Variants in AGT observed in about 807,000 individuals in gnomAD.
AGT encodes angiotensinogen.
A neutral mutation model predicts 28.1 loss-of-function variants in AGT; 26 were observed. That is an observed-to-expected ratio of 0.92 (90% CI 0.68 to 1.28). The LOEUF (loss-of-function observed/expected upper bound fraction) is 1.28. Among genes scored for constraint, AGT ranks in the 50% most tolerant of loss-of-function variants. The pLI is 0.00. For missense variants in AGT, 596 were observed against 592.3 expected, an observed-to-expected ratio of 1.01 and a Z score of -0.06; for synonymous variants, 259 against 259.6, an observed-to-expected ratio of 1.00 and a Z score of 0.02.
At chr1:230,712,198 A>G (rs937827059) in intron 1 of AGT, among the ~76,000 whole-genome samples, 2 of 152,058 alleles carry the variant, frequency 1.3e-5, no homozygotes, top group African/African-American at 4.8e-5. Context: ...GCGTGTCATC[A>G]CTGACTCAAG....
At chr1:230,736,234 A>T (rs1664152544) in intron 1 of AGT, among the ~76,000 whole-genome samples, 1 of 151,990 alleles carries the variant, frequency 6.6e-6, no homozygotes, top group African/African-American at 2.4e-5. Flanking sequence ...GAGCATAAGA[A>T]TTATTTCAGC....
chr1:230,718,721 G>A (rs574385834), upstream of AGT, among the ~76,000 whole-genome samples: 45 of 120,910 alleles, frequency 3.7e-4, 1 homozygote, highest in Admixed American at 2.0e-3. Flanking sequence ...GTTCCACACC[G>A]CTTTTTTTTT....
upstream of AGT, among the ~76,000 whole-genome samples, chr1:230,719,403 T>C (rs1483223549): frequency 7.3e-5 from 8 of 109,828 alleles, no homozygotes; most frequent in East Asian, 3.5e-3. Flanking sequence ...TTATTATCAT[T>C]ATGTTTTTTT....
At chr1:230,740,009 C>T (rs1445139537) in intron 1 of AGT, among the ~76,000 whole-genome samples, 1 of 152,132 alleles carries the variant, frequency 6.6e-6, no homozygotes, top group East Asian at 1.9e-4. Context: ...ACTGAGTATA[C>T]TTAGGGTTAT....
At chr1:230,711,743 C>T (rs1446637933) in intron 1 of AGT, among the ~76,000 whole-genome samples, 2 of 151,766 alleles carry the variant, frequency 1.3e-5, no homozygotes, top group African/African-American at 4.8e-5. Flanking sequence ...CCTGCAGAGC[C>T]CCAAAGGCAT....
At chr1:230,709,220 G>A (rs1482615656) in intron 2 of AGT, among the ~76,000 whole-genome samples, 1 of 152,186 alleles carries the variant, frequency 6.6e-6, no homozygotes, top group African/African-American at 2.4e-5. Context: ...GAGATGCCAG[G>A]CTTAAAGTCT....
At chr1:230,737,147 T>C (rs1473056243) in intron 1 of AGT, among the ~76,000 whole-genome samples, 1 of 152,100 alleles carries the variant, frequency 6.6e-6, no homozygotes, top group Non-Finnish European at 1.5e-5. Flanking sequence ...AGCTTCCCAG[T>C]CCATTTTCTG....
upstream of AGT, among the ~76,000 whole-genome samples, chr1:230,715,995 C>T (rs948300359): frequency 1.3e-5 from 2 of 152,126 alleles, no homozygotes; most frequent in African/African-American, 4.8e-5. Context: ...CTAAATTTGG[C>T]CTCTAAGCAA....
intron 1 of AGT, among the ~76,000 whole-genome samples, chr1:230,745,390 C>T (rs1034401358): frequency 6.6e-6 from 1 of 152,206 alleles, no homozygotes; most frequent in African/African-American, 2.4e-5. Context: ...CAGGGACAGA[C>T]AGCATGGATA....
At chr1:230,708,909 C>CCAGAGGG (rs1663476392) in intron 2 of AGT, among the ~76,000 whole-genome samples, 1 of 152,224 alleles carries the variant, frequency 6.6e-6, no homozygotes, top group Admixed American at 6.5e-5. Flanking sequence ...TCTGCCCTCC[C>CCAGAGGG]CAGGCCCATT....
chr1:230,709,652 T>G (rs569909780), intron 2 of AGT, among the ~76,000 whole-genome samples: 1 of 152,300 alleles, frequency 6.6e-6, no homozygotes, highest in South Asian at 2.1e-4. Flanking sequence ...GGACCCCCAC[T>G]GGTGGCTGTG....
chr1:230,723,845 A>T (rs1663889817), intron 1 of AGT, among the ~76,000 whole-genome samples: 2 of 152,206 alleles, frequency 1.3e-5, no homozygotes, highest in Non-Finnish European at 2.9e-5. Context: ...GAGCCTGGTG[A>T]TATATGCATT....
intron 1 of AGT, among the ~76,000 whole-genome samples, chr1:230,730,033 C>T (rs1014950886): frequency 3.9e-5 from 6 of 151,948 alleles, no homozygotes; most frequent in East Asian, 2.0e-4. Flanking sequence ...TGGTGGTGCA[C>T]GCCTATAGTC....
At position 230,710,803 on chromosome 1, in the gene AGT, G is replaced by A. The variant is rs141762950; in HGVS notation, c.21C>T (p.Ser7=). 5 of 1,614,018 alleles carry A rather than the reference G, an allele frequency of 3.1e-6. No homozygotes were observed. In the Admixed American group the frequency reaches 5.0e-5, roughly 16 times the overall value. The change falls in exon 2 of 5, where the codon AGC becomes AGT. Residue 7 remains serine (S), a synonymous_variant. Coordinates refer to ENST00000366667, the MANE Select transcript of AGT (RefSeq NM_001384479.1). MAPAGV[S]LRATILCLLA... The stretch of plus-strand genomic sequence containing the variant: ...GGAGGCAGAGGATGGTGGCCCTCAG[G>A]CTCACACCGGCAGGAGCCATCTCAG...
At chr1:230,729,436 T>C (rs983541126) in intron 1 of AGT, among the ~76,000 whole-genome samples, 2 of 152,352 alleles carry the variant, frequency 1.3e-5, no homozygotes, top group Middle Eastern at 3.4e-3. Context: ...ATAAGCACTT[T>C]CTCCTCTCTT....
upstream of AGT, among the ~76,000 whole-genome samples, chr1:230,716,007 C>T (rs906807680): frequency 2.6e-5 from 4 of 152,130 alleles, no homozygotes; most frequent in African/African-American, 9.7e-5. Flanking sequence ...TCTAAGCAAG[C>T]CAAACTTCTC....
At chr1:230,713,199 T>G (rs1050542227) in intron 1 of AGT, among the ~76,000 whole-genome samples, 1 of 152,230 alleles carries the variant, frequency 6.6e-6, no homozygotes, top group Non-Finnish European at 1.5e-5. Flanking sequence ...TTTGCTCTGA[T>G]GTGAATGTGA....
At chr1:230,743,002 T>C (rs1246014380) in intron 1 of AGT, among the ~76,000 whole-genome samples, 1 of 152,166 alleles carries the variant, frequency 6.6e-6, no homozygotes, top group Admixed American at 6.5e-5. Flanking sequence ...GTTTTACTTT[T>C]TCTTTTTGAG....
At chr1:230,718,722 C>CTTTTTTTTTTTTTTTTTTTTTTTTTTTT (rs1228887131), upstream of AGT, among the ~76,000 whole-genome samples, 1 of 118,496 alleles carries the variant, frequency 8.4e-6, no homozygotes, top group African/African-American at 3.4e-5. Flanking sequence ...TTCCACACCG[C>CTTTTTTTTTTTTTTTTTTTTTTTTTTTT]TTTTTTTTTT....
Sources: gnomAD v4.1 joint callset for allele counts (sites outside exome capture counted in the v4.1 genomes callset) on GRCh38, gnomAD v4.1.1 for gene constraint, MANE v1.5 for transcripts, NCBI Gene and HGNC (gene_info 2026-07-23, HGNC 2026-07-21) for gene names.